The following GIPC2 variants were observed in gnomAD, a reference collection of about 807,000 sequenced individuals.
GIPC2 encodes the protein PDZ domain-containing protein GIPC2.
GIPC2 carries 30 observed loss-of-function variants against 30.6 expected under a neutral mutation model. That is an observed-to-expected ratio of 0.98 (90% CI 0.73 to 1.33). The LOEUF is 1.33. Among genes scored for constraint, GIPC2 ranks in the 40% most tolerant of loss-of-function variants. The pLI is 0.00. For synonymous variants in GIPC2, 167 were observed against 150.0 expected (o/e 1.11, Z -0.83); for missense variants, 414 against 390.3 (o/e 1.06, Z -0.51).
At chr1:78,112,613 T>C (rs1225460102) in intron 3 of GIPC2, 2 of 508,398 alleles carry the variant, frequency 3.9e-6, no homozygotes, top group Admixed American at 2.0e-5. Flanking sequence ...GCCTCCCCAC[T>C]GCTTGGTCCT....
chr1:78,048,171 C>A (rs1374896255), intron 1 of GIPC2, among the ~76,000 whole-genome samples: 1 of 152,158 alleles, frequency 6.6e-6, no homozygotes, highest in Non-Finnish European at 1.5e-5. Context: ...TGGGACATAA[C>A]ACCTTGGTAA....
chr1:78,064,568 G>A (rs1661466222), intron 1 of GIPC2, among the ~76,000 whole-genome samples: 1 of 152,136 alleles, frequency 6.6e-6, no homozygotes, highest in African/African-American at 2.4e-5. Flanking sequence ...AAAAAGGGAG[G>A]TGCGGGAGTG....
rs1661758319 is a variant in GIPC2, at chr1:78,078,360, TG to T, written c.241-2314del. Among the ~76,000 whole-genome samples the T allele has an allele frequency of 2.6e-5, 4 of 152,202 alleles. No homozygotes were observed. In the South Asian group the frequency reaches 8.3e-4, roughly 32 times the overall value. On this transcript the variant is annotated intron_variant, in intron 1 of 5. Coordinates refer to ENST00000370759, the MANE Select transcript of GIPC2 (RefSeq NM_017655.6). Reference sequence around the variant, plus strand: ...AGCTTCTTATTCTCCCGTGAAGAACTGATCTGAAGTCATGGAGCTTTAGTTA... The same window carrying T: ...AGCTTCTTATTCTCCCGTGAAGAACTATCTGAAGTCATGGAGCTTTAGTTA...
chr1:78,058,801 C>T (rs925983762), intron 1 of GIPC2, among the ~76,000 whole-genome samples: 7 of 152,020 alleles, frequency 4.6e-5, no homozygotes, highest in East Asian at 1.9e-4. Context: ...ACAAACACTC[C>T]GTGGACCAAT....
At chr1:78,094,909 C>T in intron 2 of GIPC2, 43 bp from the exon 3 acceptor site, 3 of 1,368,104 alleles carry the variant, frequency 2.2e-6, no homozygotes, top group East Asian at 2.3e-5. Flanking sequence ...GCATTCATTA[C>T]ACAGTTCTAT....
chr1:78,092,357 T>G (rs1662058504), intron 2 of GIPC2, among the ~76,000 whole-genome samples: 1 of 152,228 alleles, frequency 6.6e-6, no homozygotes, highest in Non-Finnish European at 1.5e-5. Context: ...TTTAATAATG[T>G]AAATCCTATC....
rs544660420 is a variant in GIPC2, at chr1:78,069,594, C to T, written c.241-11081C>T. ...GTTCAAGTGATTCTCATACCTCAGC[C>T]TCCTGAGTAGCTGGGATTACAGGCA... On this transcript the variant is annotated intron_variant, in intron 1 of 5. Transcript: ENST00000370759. Among the ~76,000 whole-genome samples the T allele has an allele frequency of 2.1e-3, 316 of 151,820 alleles. 1 individual carries two copies. The highest frequency in any genetic ancestry group is 7.4e-3 in the African/African-American group (306 of 41,334).
At chr1:78,127,562 A>G (rs1164103716) in intron 5 of GIPC2, among the ~76,000 whole-genome samples, 1 of 152,264 alleles carries the variant, frequency 6.6e-6, no homozygotes, top group East Asian at 1.9e-4. Context: ...GTGGAACTTC[A>G]GCATGAGTAA....
chr1:78,045,026 G>C, upstream of GIPC2: 1 of 923,082 alleles, frequency 1.1e-6, no homozygotes, highest in South Asian at 5.0e-5. Flanking sequence ...GTGGGGACGG[G>C]GAGAGGAGAG....
chr1:78,120,149 C>T (rs760310555), intron 4 of GIPC2, among the ~76,000 whole-genome samples: 12 of 152,234 alleles, frequency 7.9e-5, no homozygotes, highest in Non-Finnish European at 1.0e-4. Flanking sequence ...TGTTCACAAC[C>T]CTCCAGTGGC....
At chr1:78,112,388 G>T in intron 3 of GIPC2, 1 of 518,356 alleles carries the variant, frequency 1.9e-6, no homozygotes, top group Non-Finnish European at 3.9e-6. Flanking sequence ...CCTTCTCTGT[G>T]TCCATAGCAT....
At chr1:78,063,758 C>A (rs1661449285) in intron 1 of GIPC2, among the ~76,000 whole-genome samples, 1 of 151,124 alleles carries the variant, frequency 6.6e-6, no homozygotes, top group Non-Finnish European at 1.5e-5. Flanking sequence ...GTGGTGCATG[C>A]CTGTATTTCC....
chr1:78,077,682 C>T (rs1289783077), intron 1 of GIPC2, among the ~76,000 whole-genome samples: 2 of 152,192 alleles, frequency 1.3e-5, no homozygotes, highest in Non-Finnish European at 2.9e-5. Context: ...TGCTGCCTTT[C>T]ACTGCCTGTT....
chr1:78,075,789 T>C (rs918404808), intron 1 of GIPC2, among the ~76,000 whole-genome samples: 1 of 152,274 alleles, frequency 6.6e-6, no homozygotes, highest in South Asian at 2.1e-4. Flanking sequence ...TTCACTTTTA[T>C]GCCTGGAATA....
chr1:78,121,562 C>G (rs587433), intron 4 of GIPC2, among the ~76,000 whole-genome samples: 34,838 of 151,914 alleles, frequency 0.23, 4,551 homozygotes, highest in East Asian at 0.65. Flanking sequence ...GAGGCACCCA[C>G]GGTGTTGTCA....
chr1:78,071,544 CCTTCTT>C (rs1039277552), intron 1 of GIPC2, among the ~76,000 whole-genome samples: 1 of 150,068 alleles, frequency 6.7e-6, no homozygotes, highest in Non-Finnish European at 1.5e-5. Context: ...CCTTCCTTCT[CCTTCTT>C]CTTCTTCTTT....
chr1:78,076,193 T>G (rs1433491210), intron 1 of GIPC2, among the ~76,000 whole-genome samples: 4 of 152,326 alleles, frequency 2.6e-5, no homozygotes, highest in Non-Finnish European at 4.4e-5. Flanking sequence ...AGCTACCATA[T>G]GGCTTAAAAT....
In GIPC2 at chr1:78,125,900, A is replaced by C. The variant is rs2100440737; in HGVS notation, c.734A>C (p.Lys245Thr). The C allele has an allele frequency of 1.3e-6, 2 of 1,583,306 alleles. No individual in the cohort carries two copies. Among genetic ancestry groups the C allele is most frequent in the East Asian group, 4.5e-5 (2 of 44,630 alleles). ...VEEMPSETKA[K>T]AIEKIDDVLE... ...ATAAAGCCTTCTGAAACCAAAGCAA[A>C]GGCAATTGAAAAGATTGATGATGTT... The change falls in exon 5 of 6, where the codon AAG becomes ACG. Residue 245 changes from lysine (K) to threonine (T), a missense_variant. Lys to Thr is a moderately conservative substitution (Grantham distance 78, BLOSUM62 -1). Coordinates refer to ENST00000370759, the MANE Select transcript of GIPC2 (RefSeq NM_017655.6).
intron 1 of GIPC2, 21 bp from the exon 2 acceptor site, chr1:78,080,654 A>G (rs1297134514): frequency 1.4e-6 from 2 of 1,469,734 alleles, no homozygotes; most frequent in Admixed American, 3.8e-5. Context: ...AATGGACCTG[A>G]CATTTTATTT....
Sources: gnomAD v4.1 joint callset for allele counts (sites outside exome capture counted in the v4.1 genomes callset) on GRCh38, gnomAD v4.1.1 for gene constraint, MANE v1.5 for transcripts, NCBI Gene and HGNC (gene_info 2026-07-23, HGNC 2026-07-21) for gene names.